The following ICAM1 variants were observed in gnomAD, a reference collection of about 807,000 sequenced individuals.
The protein encoded by ICAM1 is ICAM-1.
Under a neutral mutation model 42.3 loss-of-function variants are expected in ICAM1, and 28 were observed. The ratio of observed to expected loss-of-function variants is 0.66; its 90% CI spans 0.49 to 0.91. The LOEUF (loss-of-function observed/expected upper bound fraction) is 0.91. Ranked by LOEUF, ICAM1 falls within the 40% of genes least tolerant of loss-of-function variation. The pLI is 0.00. For synonymous variants in ICAM1, 304 were observed against 305.9 expected, an observed-to-expected ratio of 0.99 and a Z score of 0.07; for missense variants, 637 against 688.6, an observed-to-expected ratio of 0.93 and a Z score of 0.84.
chr19:10,283,288 G>T, intron 2 of ICAM1, 193 bp from the exon 3 acceptor site: 1 of 535,506 alleles, frequency 1.9e-6, no homozygotes, highest in Non-Finnish European at 3.3e-6. Flanking sequence ...GGAATATTTT[G>T]ATCCCCTTCA....
intron 1 of ICAM1, among the ~76,000 whole-genome samples, chr19:10,273,842 C>T (rs986547953): frequency 8.6e-5 from 13 of 151,660 alleles, no homozygotes; most frequent in Non-Finnish European, 7.4e-5. Context: ...GGCGAAACCC[C>T]GTCTCTATTA....
chr19:10,283,843 G>T lies in ICAM1; in HGVS notation c.637+57G>T, dbSNP rs1599270403. 22 of 1,514,760 alleles carry T rather than the reference G, an allele frequency of 1.5e-5. No individual in the cohort carries two copies. In the East Asian group the frequency reaches 5.0e-4, roughly 35 times the overall value. 93.8% of individuals were successfully genotyped at this position (1,514,760 alleles called of 1,614,324 possible). A position where few individuals can be genotyped will look rare whatever the true frequency, so the allele number is the denominator to read the frequency against. ...TGGGGGTGGGGTATCCTGCAATGCG[G>T]TGCCTGTGGCCACAGGATCTTTTGA... On this transcript the variant is annotated intron_variant, in intron 3 of 6. Transcript: ENST00000264832.
intron 2 of ICAM1, 105 bp from the exon 3 acceptor site, chr19:10,283,376 G>A (rs115996151): frequency 1.8e-6 from 2 of 1,117,170 alleles, no homozygotes; most frequent in Non-Finnish European, 1.3e-6. Flanking sequence ...GGGCGTGTTT[G>A]GGGGAGATAC....
rs368566175 is a variant in ICAM1 at position 10,284,819 on chromosome 19, A to G, written c.1217A>G (p.Asn406Ser). 3 of 1,598,910 alleles carry G rather than the reference A, an allele frequency of 1.9e-6. No individual in the cohort carries two copies. Among genetic ancestry groups the G allele is most frequent in the Non-Finnish European group, 2.6e-6 (3 of 1,176,152 alleles). The part of the protein sequence containing the change: ...PRLDERDCPG[N>S]WTWPENSQQT... ...CTGGACGAGAGGGATTGTCCGGGAA[A>G]CTGGACGTGGCCAGAAAATTCCCAG... Residue 406 changes from asparagine (N) to serine (S), a missense_variant, in exon 6 of 7, where the codon AAC becomes AGC. Coordinates refer to ENST00000264832, the MANE Select transcript of ICAM1 (RefSeq NM_000201.3). This position sits in a 1 kb window ranked among gnomAD's most constrained non-coding sequence, Gnocchi z 5.4.
rs746006779 is a variant in ICAM1 at position 10,274,947 on chromosome 19, G to C, written c.250G>C (p.Val84Leu). 26 of 1,614,134 alleles carry C rather than the reference G, an allele frequency of 1.6e-5. No homozygotes were observed. In the African/African-American group the frequency reaches 3.1e-4, roughly 19 times the overall value. ...CCGGAAGGTGTATGAACTGAGCAAT[G>C]TGCAAGAAGATAGCCAACCAATGTG... ...NNRKVYELSN[V>L]QEDSQPMCYS... The change falls in exon 2 of 7, where the codon GTG (valine) becomes CTG (leucine). Residue 84 changes from valine (V) to leucine (L), a missense_variant. By Grantham distance (32) the Val-to-Leu change is conservative. Transcript: ENST00000264832.
At position 10,284,420 on chromosome 19, in the gene ICAM1, G is replaced by A. The variant is rs5495; in HGVS notation, c.943G>A (p.Val315Met). ...TATTCCAGGCTTTCCGGCGCCCAAC[G>A]TGATTCTGACGAAGCCAGAGGTCTC... ...VTIYSFPAPNVILTKPEVSEG... is the reference protein window; with the variant it reads ...VTIYSFPAPNMILTKPEVSEG... Residue 315 changes from valine (V) to methionine (M), a missense_variant, in exon 5 of 7, where the codon GTG becomes ATG. By Grantham distance (21) the Val-to-Met change is conservative (BLOSUM62 1). Coordinates refer to ENST00000264832, the MANE Select transcript of ICAM1 (RefSeq NM_000201.3). The surrounding 1 kb of genome is among the most constrained non-coding windows in gnomAD (Gnocchi z 5.4). 1.5e-4 allele frequency: 239 copies of A among 1,613,486 alleles called. 1 individual carries two copies. In the African/African-American group the frequency reaches 2.6e-3, roughly 18 times the overall value.
intron 2 of ICAM1, among the ~76,000 whole-genome samples, chr19:10,277,328 G>A (rs1407349897): frequency 4.0e-5 from 6 of 151,632 alleles, no homozygotes; most frequent in African/African-American, 7.3e-5. Flanking sequence ...TTACAGGCAT[G>A]GGCCACTACG....
At position 10,283,766 on chromosome 19, in the gene ICAM1, C is replaced by A. The variant is rs1339364571; in HGVS notation, c.617C>A (p.Pro206His). The A allele has an allele frequency of 1.3e-5, 21 of 1,608,204 alleles. No homozygotes were observed. The highest frequency in any genetic ancestry group is 1.2e-5 in the Non-Finnish European group (14 of 1,177,196). ...GLELFENTSA[P>H]YQLQTFVLPA... ...GAGCTGTTTGAGAACACCTCGGCCC[C>A]CTACCAGCTCCAGACCTTTGGTGAG... The change falls in exon 3 of 7, where the codon CCC becomes CAC. Residue 206 changes from proline to histidine, a missense_variant. By Grantham distance (77) the Pro-to-His change is moderately conservative (BLOSUM62 -2). Coordinates refer to ENST00000264832, the MANE Select transcript of ICAM1 (RefSeq NM_000201.3).
Position 10,283,610 on chromosome 19 carries a change from A to G in ICAM1, c.461A>G (p.Glu154Gly). ...ANLTVVLLRGEKELKREPAVG... is the reference protein window; with the variant it reads ...ANLTVVLLRGGKELKREPAVG... ...CTCACCGTGGTGCTGCTCCGTGGGG[A>G]GAAGGAGCTGAAACGGGAGCCAGCT... Residue 154 changes from glutamate (E) to glycine (G), a missense_variant, in exon 3 of 7, where the codon GAG (glutamate) becomes GGG (glycine). Transcript: ENST00000264832. 6.2e-7 allele frequency: 1 copy of G among 1,613,960 alleles called. No homozygotes were observed. The highest frequency in any genetic ancestry group is 8.5e-7 in the Non-Finnish European group (1 of 1,179,994).
rs774096713 is a variant in ICAM1 at position 10,284,724 on chromosome 19, G to A, written c.1181-59G>A. The A allele has an allele frequency of 4.5e-5, 72 of 1,608,930 alleles. No individual in the cohort carries two copies. The Admixed American group carries it at 4.7e-4, about 10-fold the overall frequency. On this transcript the variant is annotated intron_variant, in intron 5 of 6. Coordinates refer to ENST00000264832, the MANE Select transcript of ICAM1 (RefSeq NM_000201.3). The surrounding 1 kb of genome is among the most constrained non-coding windows in gnomAD (Gnocchi z 5.4). The stretch of plus-strand genomic sequence containing the variant: ...CCAATCTCCCTGAAGGTCCCATAAG[G>A]TCTTGCCTCCAAGTCCTGCCCCCAC...
chr19:10,273,601 G>A (rs1568291531), intron 1 of ICAM1, among the ~76,000 whole-genome samples: 1 of 151,974 alleles, frequency 6.6e-6, no homozygotes, highest in Non-Finnish European at 1.5e-5. Flanking sequence ...GGAGTTCAAG[G>A]TTACAGTGAG....
chr19:10,284,457 A>C lies in ICAM1; in HGVS notation c.980A>C (p.Glu327Ala), dbSNP rs746741810. ...LTKPEVSEGT[E>A]VTVKCEAHPR... is the part of the protein sequence containing the mutation. ...AAGCCAGAGGTCTCAGAAGGGACCG[A>C]GGTGACAGTGAAGTGTGAGGCCCAC... The change falls in exon 5 of 7, where the codon GAG becomes GCG. Residue 327 changes from glutamate (E) to alanine (A), a missense_variant. Physicochemically the swap from Glu to Ala is moderately radical, Grantham distance 107. Coordinates refer to ENST00000264832, the MANE Select transcript of ICAM1 (RefSeq NM_000201.3). This position sits in a 1 kb window ranked among gnomAD's most constrained non-coding sequence, Gnocchi z 5.4. The C allele has an allele frequency of 6.2e-7, 1 of 1,613,908 alleles. No homozygotes were observed. Among genetic ancestry groups the C allele is most frequent in the South Asian group, 1.1e-5 (1 of 91,070 alleles).
chr19:10,271,334 G>T, intron 1 of ICAM1, 108 bp downstream of exon 1: 1 of 913,946 alleles, frequency 1.1e-6, no homozygotes, highest in Non-Finnish European at 1.7e-6. Context: ...GGAAGGAGGG[G>T]CTAGAGACAG....
At position 10,283,769 on chromosome 19, in the gene ICAM1, A is replaced by G. The variant is rs766744082; in HGVS notation, c.620A>G (p.Tyr207Cys). ...CTGTTTGAGAACACCTCGGCCCCCT[A>G]CCAGCTCCAGACCTTTGGTGAGGAT... ...LELFENTSAP[Y>C]QLQTFVLPAT... is the part of the protein sequence containing the mutation. Residue 207 changes from tyrosine to cysteine, a missense_variant, in exon 3 of 7, where the codon TAC (tyrosine) becomes TGC (cysteine). By Grantham distance (194) the Tyr-to-Cys change is radical. Transcript: ENST00000264832. 1.2e-6 allele frequency: 2 copies of G among 1,606,232 alleles called. No homozygotes were observed. Among genetic ancestry groups the G allele is most frequent in the Non-Finnish European group, 1.7e-6 (2 of 1,176,096 alleles).
intron 2 of ICAM1, among the ~76,000 whole-genome samples, chr19:10,281,109 G>A (rs1473855943): frequency 1.0e-4 from 15 of 150,116 alleles, no homozygotes; most frequent in African/African-American, 2.9e-4. Context: ...TCCTGACCTC[G>A]TGATCCGCCC....
At position 10,285,046 on chromosome 19, in the gene ICAM1, C is replaced by T. The variant is rs202118930; in HGVS notation, c.1426+18C>T. ...TGTGCTCTGTGAGTGAGCCGGCGGG[C>T]AGAGCTGGGTGGGGGCAGGGGCCAT... On this transcript the variant is annotated intron_variant, in intron 6 of 6. Transcript: ENST00000264832. 2 of 1,613,434 alleles carry T rather than the reference C, an allele frequency of 1.2e-6. No individual in the cohort carries two copies. The highest frequency in any genetic ancestry group is 3.3e-5 in the Admixed American group (2 of 59,936).
rs760003886 is a variant in ICAM1, at chr19:10,283,776, C to G, written c.627C>G (p.Leu209=). 6.2e-7 allele frequency: 1 copy of G among 1,604,898 alleles called. No individual in the cohort carries two copies. The highest frequency in any genetic ancestry group is 1.7e-5 in the Admixed American group (1 of 59,244). Residue 209 remains leucine, a synonymous_variant, in exon 3 of 7, where the codon CTC becomes CTG. Transcript: ENST00000264832. Reference sequence around the variant, plus strand: ...AGAACACCTCGGCCCCCTACCAGCTCCAGACCTTTGGTGAGGATTGAAGAA... The same window carrying G: ...AGAACACCTCGGCCCCCTACCAGCTGCAGACCTTTGGTGAGGATTGAAGAA... The part of the protein sequence containing the change: ...LFENTSAPYQ[L]QTFVLPATPP...
intron 1 of ICAM1, among the ~76,000 whole-genome samples, chr19:10,273,346 C>A (rs2039994958): frequency 6.6e-6 from 1 of 151,700 alleles, no homozygotes; most frequent in Non-Finnish European, 1.5e-5. Flanking sequence ...TACAAAATTA[C>A]CCGGGCGTGG....
intron 2 of ICAM1, among the ~76,000 whole-genome samples, chr19:10,276,407 T>A (rs1238653136): frequency 3.3e-5 from 5 of 151,138 alleles, no homozygotes; most frequent in African/African-American, 4.9e-5. Flanking sequence ...TAGCCGGGCA[T>A]GGTGGCAGGC....
Sources: gnomAD v4.1 joint callset for allele counts (sites outside exome capture counted in the v4.1 genomes callset) on GRCh38, gnomAD v4.1.1 for gene constraint, Gnocchi (gnomAD v3.1) non-coding constraint, MANE v1.5 for transcripts, NCBI Gene and HGNC (gene_info 2026-07-23, HGNC 2026-07-21) for gene names.